EFHC2: variants seen among roughly 807,000 people sequenced by gnomAD.
EFHC2 encodes EF-hand domain-containing family member C2.
In EFHC2, 18 loss-of-function variants were observed where a neutral mutation model predicts 52.7. That is an observed-to-expected ratio of 0.34 (90% CI 0.24 to 0.51). The LOEUF is 0.51. Ranked by LOEUF, EFHC2 falls within the 20% of genes least tolerant of loss-of-function variation. The pLI is 0.97. For synonymous variants in EFHC2, 203 were observed against 204.1 expected (o/e 0.99, Z 0.04); for missense variants, 513 against 562.5 (o/e 0.91, Z 0.89).
intron 1 of EFHC2, among the ~76,000 whole-genome samples, chrX:44,318,843 G>A (rs2037998388): frequency 9.0e-6 from 1 of 110,670 alleles, no homozygotes; most frequent in Admixed American, 9.7e-5. Context: ...AGATTCACTG[G>A]TTGCCAAATT....
chrX:44,165,918 C>G (rs918190860), intron 13 of EFHC2, among the ~76,000 whole-genome samples: 1 of 111,109 alleles, frequency 9.0e-6, no homozygotes, highest in African/African-American at 3.3e-5. Context: ...CCATGTAATC[C>G]TGTAAGGATT....
At chrX:44,289,269 C>A (rs940260594) in intron 2 of EFHC2, among the ~76,000 whole-genome samples, 8 of 111,300 alleles carry the variant, frequency 7.2e-5, no homozygotes, top group Non-Finnish European at 1.5e-4. Context: ...TCATGACCTC[C>A]CCATGGTTGA....
At position 44,226,240 on chromosome X, in the gene EFHC2, A is replaced by C. The variant is rs776910657; in HGVS notation, c.1751+3409T>G. ...GCAAAACTTTGCAGGATGAGAGTTA[A>C]GAAAAAGAGATCAGTTACACTGCTC... On this transcript the variant is annotated intron_variant, in intron 11 of 14. Transcript: ENST00000420999. Among the ~76,000 whole-genome samples, 11 of 112,042 alleles carry C rather than the reference A, an allele frequency of 9.8e-5. No homozygotes were observed. In the East Asian group the frequency reaches 2.8e-3, roughly 29 times the overall value.
At chrX:44,265,706 G>GT (rs755208203) in intron 3 of EFHC2, among the ~76,000 whole-genome samples, 1 of 111,865 alleles carries the variant, frequency 8.9e-6, no homozygotes, top group East Asian at 2.8e-4. Flanking sequence ...ACATCTACAA[G>GT]TTTGTGCCCT....
chrX:44,327,577 A>G (rs943013756), intron 1 of EFHC2, among the ~76,000 whole-genome samples: 5 of 111,279 alleles, frequency 4.5e-5, no homozygotes, highest in African/African-American at 1.6e-4. Context: ...CCCTCGTCTA[A>G]TATTTATTTT....
At chrX:44,190,653 T>C (rs1290476939) in intron 11 of EFHC2, among the ~76,000 whole-genome samples, 2 of 109,924 alleles carry the variant, frequency 1.8e-5, no homozygotes, top group African/African-American at 6.7e-5. Flanking sequence ...TAGCAGGTTC[T>C]TGAATAACAT....
chrX:44,162,289 G>A (rs535091300), intron 14 of EFHC2, among the ~76,000 whole-genome samples: 17 of 111,388 alleles, frequency 1.5e-4, no homozygotes, highest in African/African-American at 5.6e-4. Flanking sequence ...TGGATGTGGT[G>A]GCACACACCT....
rs1386571942 is a variant in EFHC2 at position 44,181,360 on chromosome X, AC to A, written c.1752-2797del. Among the ~76,000 whole-genome samples the A allele has an allele frequency of 7.2e-5, 8 of 110,941 alleles. No homozygotes were observed. In the East Asian group the frequency reaches 1.4e-3, roughly 20 times the overall value. On this transcript the variant is annotated intron_variant, in intron 11 of 14. Coordinates refer to ENST00000420999, the MANE Select transcript of EFHC2 (RefSeq NM_025184.4). ...TTCATTGTCTAAATGAAAAAAAAAA[AC>A]ATTCGAAAGCATTTCCTTTTGAGAG... is the stretch of plus-strand genomic sequence containing the variant.
chrX:44,249,048 T>A, intron 5 of EFHC2, 132 bp from the exon 6 acceptor site: 1 of 391,295 alleles, frequency 2.6e-6, no homozygotes, highest in East Asian at 4.1e-5. Context: ...AATTAACTAA[T>A]GTTGGCACAC....
At chrX:44,256,825 C>CACAACA (rs373900461) in intron 4 of EFHC2, among the ~76,000 whole-genome samples, 9 of 108,774 alleles carry the variant, frequency 8.3e-5, no homozygotes, top group African/African-American at 2.4e-4. Flanking sequence ...CTGGCAGAGA[C>CACAACA]ACAACAACAA....
rs1007377883 is a variant in EFHC2, at chrX:44,153,046, G to A, written c.2149-4150C>T. On this transcript the variant is annotated intron_variant, in intron 14 of 14. Coordinates refer to ENST00000420999, the MANE Select transcript of EFHC2 (RefSeq NM_025184.4). ...CTGGATCCTCTTATGAAACAGGTCA[G>A]GACTAGAAGATTCTGCCTCATGGCT... Among the ~76,000 whole-genome samples, 4 of 112,198 alleles carry A rather than the reference G, an allele frequency of 3.6e-5. No homozygotes were observed. The East Asian group carries it at 1.1e-3, about 31-fold the overall frequency.
chrX:44,244,416 T>C (rs2037383602), intron 7 of EFHC2, among the ~76,000 whole-genome samples: 1 of 112,193 alleles, frequency 8.9e-6, no homozygotes, highest in East Asian at 2.8e-4. Context: ...CCTGCGTGTT[T>C]TAGGTGTTCA....
At position 44,178,391 on chromosome X, in the gene EFHC2, G is replaced by A. The variant is rs2036806456; in HGVS notation, c.1925C>T (p.Ser642Phe). The A allele has an allele frequency of 2.5e-6, 3 of 1,194,277 alleles. No individual in the cohort carries two copies. The highest frequency in any genetic ancestry group is 3.7e-5 in the South Asian group (2 of 53,528). ...CTTTTCTCGATCTTCATACACACAGGAATAAATGAAAGTGTCGAAATTCTC... is the reference window on the plus strand; with the variant it reads ...CTTTTCTCGATCTTCATACACACAGAAATAAATGAAAGTGTCGAAATTCTC... The part of the protein sequence containing the change: ...MFENFDTFIY[S>F]CVYEDREKKN... The change falls in exon 12 of 15, where the codon TCC becomes TTC. Residue 642 changes from serine (S) to phenylalanine (F), a missense_variant. By Grantham distance (155) the Ser-to-Phe change is radical. Transcript: ENST00000420999.
chrX:44,160,111 C>T (rs2036639997), intron 14 of EFHC2, among the ~76,000 whole-genome samples: 1 of 112,009 alleles, frequency 8.9e-6, no homozygotes, highest in African/African-American at 3.2e-5. Context: ...TTCTGTTCCA[C>T]ATTGCCTCTC....
chrX:44,255,126 C>G (rs1302636975), intron 4 of EFHC2, among the ~76,000 whole-genome samples: 1 of 112,108 alleles, frequency 8.9e-6, no homozygotes, highest in Non-Finnish European at 1.9e-5. Context: ...GAAGGAAGCA[C>G]TAAATGTGGA....
rs1471678168 is a variant in EFHC2 at position 44,312,557 on chromosome X, A to T, written c.231+11T>A. 2 of 1,180,437 alleles carry T rather than the reference A, an allele frequency of 1.7e-6. No individual in the cohort carries two copies. Among genetic ancestry groups the T allele is most frequent in the Admixed American group, 4.7e-5 (2 of 42,164 alleles). ...CTAAGACTGCATTCCTCCCAGTGTC[A>T]TGTGACTTACCTGTTTATCAAAGGC... On this transcript the variant is annotated intron_variant, in intron 2 of 14. Coordinates refer to ENST00000420999, the MANE Select transcript of EFHC2 (RefSeq NM_025184.4).
chrX:44,214,483 A>G (rs1177598306), intron 11 of EFHC2, among the ~76,000 whole-genome samples: 1 of 112,372 alleles, frequency 8.9e-6, no homozygotes, highest in African/African-American at 3.2e-5. Context: ...GTTGAGAGAA[A>G]AAGACCACCA....
At chrX:44,244,919 T>G (rs73483016) in intron 7 of EFHC2, among the ~76,000 whole-genome samples, 30 of 112,145 alleles carry the variant, frequency 2.7e-4, no homozygotes, top group Middle Eastern at 4.6e-3. Flanking sequence ...AGCTTCAAGG[T>G]AAATCCACTT....
At chrX:44,158,684 C>T (rs193232931) in intron 14 of EFHC2, among the ~76,000 whole-genome samples, 401 of 110,756 alleles carry the variant, frequency 3.6e-3, no homozygotes, top group Non-Finnish European at 6.1e-3. Flanking sequence ...AGTTGCACCC[C>T]CGGGACCTAC....
Sources: allele counts gnomAD v4.1 joint callset (sites outside exome capture counted in the v4.1 genomes callset), GRCh38; gene constraint gnomAD v4.1.1; transcripts MANE v1.5; gene names NCBI Gene and HGNC (gene_info 2026-07-23, HGNC 2026-07-21).